HINT3: variants seen among roughly 807,000 people sequenced by gnomAD.
HINT3 encodes histidine triad nucleotide binding protein 3.
HINT3 carries 16 observed loss-of-function variants against 19.1 expected under a neutral mutation model. That is an observed-to-expected ratio of 0.84 (90% confidence interval 0.57 to 1.27). HINT3 has a LOEUF of 1.27. Ranked by LOEUF, HINT3 falls within the 50% of genes most tolerant of loss-of-function variation. The pLI is 0.00. For missense variants in HINT3, 197 were observed against 225.8 expected (o/e 0.87, Z 0.82); for synonymous variants, 75 against 84.8 (o/e 0.88, Z 0.63).
intron 1 of HINT3, among the ~76,000 whole-genome samples, chr6:125,964,154 T>C (rs933556859): frequency 6.6e-6 from 1 of 152,202 alleles, no homozygotes; most frequent in African/African-American, 2.4e-5. Context: ...TAGGGATGGA[T>C]AGGCAAAATA....
At chr6:125,967,178 G>A (rs190819958) in intron 2 of HINT3, among the ~76,000 whole-genome samples, 174 bp downstream of exon 2, 6 of 152,114 alleles carry the variant, frequency 3.9e-5, no homozygotes, top group Admixed American at 6.5e-5. Flanking sequence ...TATAATACTC[G>A]TGTATTCATT....
chr6:125,962,526 C>A (rs1334486126), intron 1 of HINT3, among the ~76,000 whole-genome samples: 1 of 151,846 alleles, frequency 6.6e-6, no homozygotes, highest in Non-Finnish European at 1.5e-5. Flanking sequence ...ATCATACATT[C>A]ATATACTCAT....
At chr6:125,973,929 A>G (rs1475171337) in intron 3 of HINT3, among the ~76,000 whole-genome samples, 2 of 152,176 alleles carry the variant, frequency 1.3e-5, no homozygotes, top group East Asian at 3.8e-4. Flanking sequence ...AAGCTTCTAG[A>G]TTATTTGATT....
chr6:125,961,685 G>A (rs1015590472), intron 1 of HINT3, among the ~76,000 whole-genome samples: 2 of 152,158 alleles, frequency 1.3e-5, no homozygotes, highest in Admixed American at 6.5e-5. Flanking sequence ...CTCCTCAGGC[G>A]TGTCCTCTCC....
intron 1 of HINT3, among the ~76,000 whole-genome samples, chr6:125,962,165 T>TATATATATATATATATATATATACAC (rs1788936086): frequency 2.8e-4 from 3 of 10,602 alleles, no homozygotes; most frequent in Non-Finnish European, 2.7e-4. Flanking sequence ...TATATACACA[T>TATATATATATATATATATATATACAC]ATATATATAT....
At position 125,957,169 on chromosome 6, in the gene HINT3, G is replaced by A; in HGVS notation, c.192G>A (p.Leu64=). Residue 64 remains leucine, a synonymous_variant, in exon 1 of 5, where the codon CTG becomes CTA. Transcript: ENST00000229633. ...GGCAGGACCCGGGCACCGAACTCCT[G>A]CACTGCGAGGTGGGCGGCGACGCGC... ...AGRQDPGTEL[L]HCENEDLICF... 1 of 1,544,872 alleles carries A rather than the reference G, an allele frequency of 6.5e-7. No homozygotes were observed. Among genetic ancestry groups the A allele is most frequent in the East Asian group, 2.5e-5 (1 of 40,744 alleles).
chr6:125,971,586 G>A (rs537331876), intron 2 of HINT3, among the ~76,000 whole-genome samples: 1 of 151,846 alleles, frequency 6.6e-6, no homozygotes, highest in South Asian at 2.1e-4. Flanking sequence ...CTAGACCTGA[G>A]TGCAGTGGCA....
Position 125,977,741 on chromosome 6 carries a change from T to C in HINT3, c.*65T>C, listed in dbSNP as rs999409699. ...CATGAAGTGGTATTTAGGTCCCTTT[T>C]AAGTCTAATTGCAATTTTAAGATTT... On this transcript the variant is annotated 3_prime_UTR_variant, in exon 5 of 5. Transcript: ENST00000229633. 3 of 887,374 alleles carry C rather than the reference T, an allele frequency of 3.4e-6. No individual in the cohort carries two copies. The African/African-American group carries it at 5.2e-5, about 15-fold the overall frequency. The allele number at this position is 887,374 out of a possible 1,614,324, so 55.0% of individuals were successfully genotyped here.
chr6:125,960,609 A>T (rs954832699), intron 1 of HINT3, among the ~76,000 whole-genome samples: 5 of 139,298 alleles, frequency 3.6e-5, no homozygotes, highest in Non-Finnish European at 7.6e-5. Context: ...GTGAGCCAAG[A>T]TCGCGCCGCT....
At chr6:125,977,163 C>T (rs904042749) in intron 4 of HINT3, among the ~76,000 whole-genome samples, 1 of 152,168 alleles carries the variant, frequency 6.6e-6, no homozygotes, top group South Asian at 2.1e-4. Context: ...ACCATTATAG[C>T]ATCATACCTA....
At chr6:125,959,561 G>A (rs893429538) in intron 1 of HINT3, among the ~76,000 whole-genome samples, 1 of 152,204 alleles carries the variant, frequency 6.6e-6, no homozygotes, top group Non-Finnish European at 1.5e-5. Context: ...TCATGAAGTG[G>A]TGAAGCAAAA....
rs1458019316 is a variant in HINT3 at position 125,978,177 on chromosome 6, G to A, written c.*501G>A. On this transcript the variant is annotated 3_prime_UTR_variant, in exon 5 of 5. Coordinates refer to ENST00000229633, the MANE Select transcript of HINT3 (RefSeq NM_138571.5). ...CTACACAATGATCTCTGATTTTGCT[G>A]AGGGAAGGAATTATATATGTGCCAC... The A allele has an allele frequency of 6.6e-6, 1 of 151,996 alleles. No homozygotes were observed. The highest frequency in any genetic ancestry group is 6.6e-5 in the Admixed American group (1 of 15,262). The allele number at this position is 151,996 out of a possible 1,614,324, so 9.4% of individuals were successfully genotyped here.
intron 1 of HINT3, among the ~76,000 whole-genome samples, chr6:125,962,305 TATCACAC>T (rs201512722): frequency 5.2e-4 from 17 of 32,466 alleles, no homozygotes; most frequent in Admixed American, 8.3e-4. Flanking sequence ...TATATATATA[TATCACAC>T]ATATATATAT....
At chr6:125,972,230 T>A (rs1789111720) in intron 2 of HINT3, 29 bp from the exon 3 acceptor site, 3 of 1,433,870 alleles carry the variant, frequency 2.1e-6, no homozygotes, top group South Asian at 1.2e-5. Flanking sequence ...TCTCCTCTAG[T>A]GTAATGTTGT....
chr6:125,976,969 G>A (rs903989718), intron 4 of HINT3, among the ~76,000 whole-genome samples: 4 of 151,874 alleles, frequency 2.6e-5, no homozygotes, highest in Admixed American at 6.6e-5. Context: ...GAGTTCCCAC[G>A]CACCCCCTAC....
chr6:125,961,915 A>T (rs1788931883), intron 1 of HINT3, among the ~76,000 whole-genome samples: 1 of 151,884 alleles, frequency 6.6e-6, no homozygotes, highest in Non-Finnish European at 1.5e-5. Context: ...CCTCCAGGGT[A>T]TGAGGCAGAA....
intron 3 of HINT3, among the ~76,000 whole-genome samples, chr6:125,972,580 C>G (rs112403474): frequency 6.6e-6 from 1 of 152,046 alleles, no homozygotes; most frequent in Non-Finnish European, 1.5e-5. Context: ...AAAATAGTTA[C>G]AAGTCTACTT....
At chr6:125,959,118 T>C (rs1301517273) in intron 1 of HINT3, among the ~76,000 whole-genome samples, 2 of 152,100 alleles carry the variant, frequency 1.3e-5, no homozygotes, top group African/African-American at 2.4e-5. Context: ...GGCATCTAAG[T>C]AGAGATGTCT....
At chr6:125,971,322 A>G (rs780751307) in intron 2 of HINT3, among the ~76,000 whole-genome samples, 2 of 152,220 alleles carry the variant, frequency 1.3e-5, no homozygotes, top group African/African-American at 2.4e-5. Context: ...GTCTTATTAA[A>G]TCAAACAATT....
Sources: gnomAD v4.1 joint callset for allele counts (sites outside exome capture counted in the v4.1 genomes callset) on GRCh38, gnomAD v4.1.1 for gene constraint, MANE v1.5 for transcripts, NCBI Gene and HGNC (gene_info 2026-07-23, HGNC 2026-07-21) for gene names.